Variants in DGKH observed in about 807,000 individuals in gnomAD.
DGKH encodes DAG kinase eta.
Under a neutral mutation model 159.3 loss-of-function variants are expected in DGKH, and 90 were observed. The ratio of observed to expected loss-of-function variants is 0.57; its 90% CI spans 0.48 to 0.67. The LOEUF (loss-of-function observed/expected upper bound fraction) is 0.67. DGKH is among the 30% of genes least tolerant of loss of function. The pLI is 0.00. For synonymous variants in DGKH, 536 were observed against 553.8 expected (o/e 0.97, Z 0.45); for missense variants, 1,181 against 1,506.1 (o/e 0.78, Z 3.57).
chr13:42,172,907 G>A (rs865985943), intron 11 of DGKH, among the ~76,000 whole-genome samples: 1 of 151,704 alleles, frequency 6.6e-6, no homozygotes, highest in African/African-American at 2.4e-5. Context: ...ACTCCTGACC[G>A]CAGGTGATCC....
chr13:42,050,000 A>G (rs532219000), intron 1 of DGKH, among the ~76,000 whole-genome samples: 1 of 152,354 alleles, frequency 6.6e-6, no homozygotes, highest in Middle Eastern at 3.4e-3. Context: ...TTTGCAAAAA[A>G]TTCATTCTAC....
chr13:42,136,086 A>T (rs1052553941), intron 3 of DGKH, among the ~76,000 whole-genome samples: 15 of 152,254 alleles, frequency 9.9e-5, no homozygotes, highest in African/African-American at 3.6e-4. Context: ...CATTGAGAAT[A>T]ACAAGAGTAC....
intron 3 of DGKH, among the ~76,000 whole-genome samples, chr13:42,147,452 T>A (rs9525582): frequency 0.13 from 19,658 of 152,220 alleles, 1,494 homozygotes; most frequent in South Asian, 0.18. Context: ...AAAATTTAGG[T>A]TTTAAAAATA....
intron 30 of DGKH, chr13:42,256,079 GA>G: frequency 7.9e-7 from 1 of 1,266,010 alleles, no homozygotes; most frequent in Non-Finnish European, 1.2e-6. Context: ...GATCTTGCCT[GA>G]AAATGAACCA....
intron 7 of DGKH, among the ~76,000 whole-genome samples, chr13:42,162,619 C>G (rs1472177056): frequency 6.6e-6 from 1 of 152,114 alleles, no homozygotes; most frequent in Admixed American, 6.5e-5. Context: ...GCCTGGCTAA[C>G]ATGGTGAAAC....
At chr13:42,066,251 T>C (rs1324259942) in intron 1 of DGKH, 1 of 152,158 alleles carries the variant, frequency 6.6e-6, no homozygotes, top group African/African-American at 2.4e-5. Flanking sequence ...GCGTTATTCA[T>C]AGGAGCCAAA....
intron 20 of DGKH, among the ~76,000 whole-genome samples, chr13:42,201,890 A>G (rs1366098243): frequency 6.6e-6 from 1 of 152,230 alleles, no homozygotes; most frequent in East Asian, 1.9e-4. Flanking sequence ...TGAAACATCT[A>G]TAACGTAATA....
intron 28 of DGKH, 122 bp downstream of exon 28, chr13:42,219,916 T>C: frequency 1.4e-6 from 1 of 740,416 alleles, no homozygotes; most frequent in Non-Finnish European, 2.2e-6. Flanking sequence ...TGCAGTATGA[T>C]GAACATACTG....
At chr13:42,186,237 G>A (rs914082060) in intron 13 of DGKH, among the ~76,000 whole-genome samples, 1 of 152,026 alleles carries the variant, frequency 6.6e-6, no homozygotes, top group Admixed American at 6.5e-5. Context: ...TTAAAAAATA[G>A]CCTGATTCTA....
chr13:42,158,418 T>G (rs1956095698), intron 5 of DGKH, among the ~76,000 whole-genome samples: 1 of 152,204 alleles, frequency 6.6e-6, no homozygotes, highest in Non-Finnish European at 1.5e-5. Flanking sequence ...CTTGAATAAT[T>G]TCCTTAGAGA....
Position 42,198,638 on chromosome 13 carries a change from GTT to G in DGKH, c.2285+56_2285+57del, listed in dbSNP as rs35298264. Reference sequence around the variant, plus strand: ...CAAATATTTTGTTTGGGTTTTTCTTGTTTTTTTTTTTTTTCAACATGAACTGT... The same window carrying G: ...CAAATATTTTGTTTGGGTTTTTCTTGTTTTTTTTTTTTCAACATGAACTGT... On this transcript the variant is annotated intron_variant, in intron 18 of 29. Transcript: ENST00000337343. 9,132 of 1,158,876 alleles carry G rather than the reference GTT, an allele frequency of 7.9e-3. 2 individuals carry two copies. The highest frequency in any genetic ancestry group is 8.7e-3 in the Non-Finnish European group (7,145 of 822,034). The allele number at this position is 1,158,876 out of a possible 1,614,324, so 71.8% of individuals were successfully genotyped here.
intron 1 of DGKH, among the ~76,000 whole-genome samples, chr13:42,098,740 A>T (rs1207278068): frequency 6.6e-6 from 1 of 152,244 alleles, no homozygotes; most frequent in Non-Finnish European, 1.5e-5. Context: ...GTATTTATAA[A>T]GTGAATTTTA....
At position 42,074,768 on chromosome 13, in the gene DGKH, A is replaced by G. The variant is rs575675193; in HGVS notation, c.192+25803A>G. 3.3e-5 allele frequency among the ~76,000 whole-genome samples: 5 copies of G among 152,274 alleles called. 1 individual carries two copies. The East Asian group carries it at 9.6e-4, about 29-fold the overall frequency. On this transcript the variant is annotated intron_variant, in intron 1 of 29. Transcript: ENST00000337343. ...TTACAAAGACTAATGAAACACGTCT[A>G]CATTTTAGCTGTTCACTATCTAGTG...
At chr13:42,191,167 T>G (rs962439749) in intron 16 of DGKH, among the ~76,000 whole-genome samples, 2 of 152,236 alleles carry the variant, frequency 1.3e-5, no homozygotes, top group Non-Finnish European at 2.9e-5. Flanking sequence ...ACTTTTAATA[T>G]TGTATATTGC....
At chr13:42,087,654 C>T (rs1272471440) in intron 1 of DGKH, among the ~76,000 whole-genome samples, 2 of 151,128 alleles carry the variant, frequency 1.3e-5, no homozygotes, top group African/African-American at 2.4e-5. Flanking sequence ...ATGGGATTAA[C>T]AGATACTACA....
rs769092584 is a variant in DGKH at position 42,230,588 on chromosome 13, CAG to C, written c.*1401_*1402del. Reference sequence around the variant, plus strand: ...AAAATTTGTATATAAGAGAAATAAACAGGGTACTGACTCAGTGGTGACAATTT... The same window carrying C: ...AAAATTTGTATATAAGAGAAATAAACGGTACTGACTCAGTGGTGACAATTT... On this transcript the variant is annotated 3_prime_UTR_variant, in exon 30 of 30. Coordinates refer to ENST00000337343, the MANE Select transcript of DGKH (RefSeq NM_178009.5). 1 of 151,842 alleles carries C rather than the reference CAG, an allele frequency of 6.6e-6. No individual in the cohort carries two copies. Among genetic ancestry groups the C allele is most frequent in the Non-Finnish European group, 1.5e-5 (1 of 67,960 alleles). The allele number at this position is 151,842 out of a possible 1,614,324, so 9.4% of individuals were successfully genotyped here.
rs74987603 is a variant in DGKH, at chr13:42,082,377, C to A, written c.192+33412C>A. On this transcript the variant is annotated intron_variant, in intron 1 of 29. Coordinates refer to ENST00000337343, the MANE Select transcript of DGKH (RefSeq NM_178009.5). ...GACCTTACAATTGTATTTTTAATGACCTTCTTTATGTCCTTAGGATTTTCA... is the reference window on the plus strand; with the variant it reads ...GACCTTACAATTGTATTTTTAATGAACTTCTTTATGTCCTTAGGATTTTCA... 5.2e-3 allele frequency among the ~76,000 whole-genome samples: 792 copies of A among 152,046 alleles called. 1 individual carries two copies. The highest frequency in any genetic ancestry group is 0.014 in the Middle Eastern group (4 of 294).
intron 6 of DGKH, 151 bp downstream of exon 6, chr13:42,159,523 C>G: frequency 1.5e-6 from 1 of 681,184 alleles, no homozygotes; most frequent in Non-Finnish European, 2.6e-6. Context: ...TAATTCAATC[C>G]TTCATAGCTT....
At chr13:42,056,194 T>G (rs1881745246) in intron 1 of DGKH, among the ~76,000 whole-genome samples, 1 of 152,224 alleles carries the variant, frequency 6.6e-6, no homozygotes, top group South Asian at 2.1e-4. Context: ...GGAGTTAATG[T>G]GCATCATTCC....
Sources: gnomAD v4.1 joint callset for allele counts (sites outside exome capture counted in the v4.1 genomes callset) on GRCh38, gnomAD v4.1.1 for gene constraint, MANE v1.5 for transcripts, NCBI Gene and HGNC (gene_info 2026-07-23, HGNC 2026-07-21) for gene names.